GPHN: variants seen among roughly 807,000 people sequenced by gnomAD.
The protein encoded by GPHN is gephyrin.
In GPHN, 17 loss-of-function variants were observed where a neutral mutation model predicts 95.5. The observed-to-expected ratio is 0.18, with a 90% CI of 0.12 to 0.27. The LOEUF is 0.27. Among genes scored for constraint, GPHN ranks in the 10% least tolerant of loss-of-function variants. GPHN has a pLI of 1.00. For synonymous variants in GPHN, 320 were observed against 322.5 expected, an observed-to-expected ratio of 0.99 and a Z score of 0.08; for missense variants, 660 against 978.1, an observed-to-expected ratio of 0.67 and a Z score of 4.34.
intron 11 of GPHN, among the ~76,000 whole-genome samples, chr14:67,078,007 C>T (rs2076562853): frequency 6.6e-6 from 1 of 152,104 alleles, no homozygotes; most frequent in Non-Finnish European, 1.5e-5. Context: ...TGTTTATGGT[C>T]TTCATCTTCA....
intron 2 of GPHN, among the ~76,000 whole-genome samples, chr14:66,763,020 T>C (rs1354490411): frequency 6.6e-6 from 1 of 152,170 alleles, no homozygotes; most frequent in African/African-American, 2.4e-5. Context: ...GTCTTCTATC[T>C]TCAATTTTGG....
the GPHN span, chr14:67,642,309 T>C: frequency 1.2e-6 from 2 of 1,614,080 alleles, no homozygotes; most frequent in Non-Finnish European, 1.7e-6. Flanking sequence ...GCTGAGGTGG[T>C]TAGCAGAGCT....
the GPHN span, chr14:67,729,540 T>C: frequency 0.013 from 9,160 of 723,106 alleles, 87 homozygotes; most frequent in Non-Finnish European, 0.018. Context: ...TAAGGAAACT[T>C]ACAGTACAAA....
intron 1 of GPHN, among the ~76,000 whole-genome samples, chr14:66,563,517 C>T (rs936369001): frequency 6.6e-6 from 1 of 152,170 alleles, no homozygotes; most frequent in Non-Finnish European, 1.5e-5. Context: ...TTCACATGTT[C>T]ATTCAGCCAG....
At chr14:67,199,628 G>A in the GPHN span, 16 of 1,582,178 alleles carry the variant, frequency 1.0e-5, no homozygotes, top group Non-Finnish European at 1.4e-5. Flanking sequence ...CCATGGCTTA[G>A]CAGCTGGACG....
intron 8 of GPHN, among the ~76,000 whole-genome samples, chr14:66,946,738 GTATAT>G: frequency 6.6e-6 from 1 of 152,214 alleles, no homozygotes; most frequent in East Asian, 1.9e-4. Flanking sequence ...AGTTTTATAA[GTATAT>G]TATAACTGTT....
intron 4 of GPHN, among the ~76,000 whole-genome samples, chr14:66,851,556 T>G (rs2062586409): frequency 6.6e-6 from 1 of 152,170 alleles, no homozygotes; most frequent in African/African-American, 2.4e-5. Context: ...ATAATACAGC[T>G]ATATTTATTA....
chr14:66,790,287 G>A (rs1405899440), intron 3 of GPHN, among the ~76,000 whole-genome samples: 1 of 152,106 alleles, frequency 6.6e-6, no homozygotes, highest in Non-Finnish European at 1.5e-5. Flanking sequence ...TGGAGGAGAG[G>A]TGAATCAACA....
chr14:67,626,527 T>C, the GPHN span, among the ~76,000 whole-genome samples: 2 of 152,226 alleles, frequency 1.3e-5, no homozygotes, highest in Non-Finnish European at 2.9e-5. Context: ...CACAAACTTT[T>C]TTTTTTAGAC....
At chr14:66,661,093 G>C (rs2065615939) in intron 1 of GPHN, among the ~76,000 whole-genome samples, 1 of 152,214 alleles carries the variant, frequency 6.6e-6, no homozygotes, top group Admixed American at 6.5e-5. Context: ...AACTTAGGCA[G>C]GGCGGGAGCT....
intron 3 of GPHN, among the ~76,000 whole-genome samples, chr14:66,792,281 T>A (rs2059997735): frequency 6.6e-6 from 1 of 152,012 alleles, no homozygotes; most frequent in South Asian, 2.1e-4. Flanking sequence ...GACAGGAGGA[T>A]CACTTGAGAC....
chr14:67,012,306 AATTT>A (rs1212191717), intron 9 of GPHN, among the ~76,000 whole-genome samples: 1 of 152,194 alleles, frequency 6.6e-6, no homozygotes, highest in Non-Finnish European at 1.5e-5. Context: ...TTAATGCAGA[AATTT>A]ATTTATGGTA....
At chr14:67,643,086 A>G in the GPHN span, among the ~76,000 whole-genome samples, 11 of 152,276 alleles carry the variant, frequency 7.2e-5, no homozygotes, top group East Asian at 1.5e-3. Flanking sequence ...TACAGGCATG[A>G]GCCACTGTGC....
At position 67,141,019 on chromosome 14, in the gene GPHN, T is replaced by G. The variant is rs1457229803; in HGVS notation, c.1749-2343T>G. Among the ~76,000 whole-genome samples, 3 of 152,196 alleles carry G rather than the reference T, an allele frequency of 2.0e-5. No homozygotes were observed. In the East Asian group the frequency reaches 5.8e-4, roughly 29 times the overall value. Reference sequence around the variant, plus strand: ...TCTTTAATGTTTTACACATAGATTCTACCTTCAGTTAATACCTGGGCACTT... The same window carrying G: ...TCTTTAATGTTTTACACATAGATTCGACCTTCAGTTAATACCTGGGCACTT... On this transcript the variant is annotated intron_variant, in intron 17 of 22. Coordinates refer to ENST00000478722, the MANE Select transcript of GPHN (RefSeq NM_020806.5).
the GPHN span, among the ~76,000 whole-genome samples, chr14:67,282,707 AG>A: frequency 0.057 from 8,716 of 152,126 alleles, 517 homozygotes; most frequent in African/African-American, 0.15. Context: ...ATTTGATATT[AG>A]GGAGGCTTTC....
At chr14:67,699,376 G>A in the GPHN span, among the ~76,000 whole-genome samples, 5 of 151,874 alleles carry the variant, frequency 3.3e-5, no homozygotes, top group Non-Finnish European at 7.4e-5. Context: ...GAAACCTAAT[G>A]AGTCCCTGTC....
intron 2 of GPHN, among the ~76,000 whole-genome samples, chr14:66,730,337 G>T (rs1008971574): frequency 6.6e-6 from 1 of 152,094 alleles, no homozygotes; most frequent in Admixed American, 6.5e-5. Context: ...TTTGTTTCCT[G>T]TCTCTCTGGA....
At chr14:67,662,316 C>T in the GPHN span, among the ~76,000 whole-genome samples, 4 of 152,140 alleles carry the variant, frequency 2.6e-5, no homozygotes, top group South Asian at 8.3e-4. Context: ...GTTTGCCAAA[C>T]CCCCTCAACA....
the GPHN span, among the ~76,000 whole-genome samples, chr14:67,424,358 C>CTACA: frequency 6.6e-6 from 1 of 151,980 alleles, no homozygotes; most frequent in Non-Finnish European, 1.5e-5. Flanking sequence ...TGATTCAAGC[C>CTACA]TACAGTCCTA....
Sources: gnomAD v4.1 joint callset for allele counts (sites outside exome capture counted in the v4.1 genomes callset) on GRCh38, gnomAD v4.1.1 for gene constraint, MANE v1.5 for transcripts, NCBI Gene and HGNC (gene_info 2026-07-23, HGNC 2026-07-21) for gene names.